Variants in KIF5C observed in about 807,000 individuals in gnomAD.
The protein encoded by KIF5C is kinesin family member 5C, also known as kinesin heavy chain isoform 5C.
Under a neutral mutation model 125.2 loss-of-function variants are expected in KIF5C, and 18 were observed. The observed-to-expected ratio is 0.14, with a 90% confidence interval of 0.10 to 0.21. The LOEUF (loss-of-function observed/expected upper bound fraction) is 0.21, where lower values mean the gene tolerates loss of function less well. Ranked by LOEUF, KIF5C falls within the 10% of genes least tolerant of loss-of-function variation. KIF5C has a pLI of 1.00. For synonymous variants in KIF5C, 405 were observed against 434.0 expected, an observed-to-expected ratio of 0.93 and a Z score of 0.83; for missense variants, 780 against 1,183.8, an observed-to-expected ratio of 0.66 and a Z score of 5.01.
intron 12 of KIF5C, among the ~76,000 whole-genome samples, chr2:148,975,651 C>T (rs563419974): frequency 1.1e-4 from 16 of 152,276 alleles, no homozygotes; most frequent in South Asian, 4.1e-4. Flanking sequence ...TCTGTTCCTC[C>T]GTGCTGCCCC....
chr2:148,942,088 C>T (rs1037560627), intron 6 of KIF5C, 98 bp downstream of exon 6: 21 of 1,359,674 alleles, frequency 1.5e-5, no homozygotes, highest in Non-Finnish European at 2.1e-5. Flanking sequence ...CTGTAAAGAG[C>T]ATATAGGCAT....
rs1681520910 is a variant in KIF5C at position 148,991,296 on chromosome 2, G to C, written c.1905+98G>C. ...CTGATGGTGCACCTTAGGCTTAGTTGAGGGACTGCTTTGTGTAAGCTTGGC... is the reference window on the plus strand; with the variant it reads ...CTGATGGTGCACCTTAGGCTTAGTTCAGGGACTGCTTTGTGTAAGCTTGGC... On this transcript the variant is annotated intron_variant, in intron 16 of 25. Coordinates refer to ENST00000435030, the MANE Select transcript of KIF5C (RefSeq NM_004522.3). 3.4e-6 allele frequency: 5 copies of C among 1,467,400 alleles called. No homozygotes were observed. The South Asian group carries it at 7.1e-5, about 21-fold the overall frequency. The allele number at this position is 1,467,400 out of a possible 1,614,324, so 90.9% of individuals were successfully genotyped here.
Position 148,875,509 on chromosome 2 carries a change from T to A in KIF5C, c.-109T>A. 1.1e-6 allele frequency: 1 copy of A among 898,060 alleles called. No individual in the cohort carries two copies. The highest frequency in any genetic ancestry group is 1.7e-5 in the African/African-American group (1 of 59,892). The allele number at this position is 898,060 out of a possible 1,614,324, so 55.6% of individuals were successfully genotyped here. A position where few individuals can be genotyped will look rare whatever the true frequency, so the allele number is the denominator to read the frequency against. ...CCTGCTGAGAAGCGTCGTCGGAGGC[T>A]GCAGGAGGCGGCCTAGCTGTGGGCG... is the stretch of plus-strand genomic sequence containing the variant. On this transcript the variant is annotated 5_prime_UTR_variant, in exon 1 of 26. Coordinates refer to ENST00000435030, the MANE Select transcript of KIF5C (RefSeq NM_004522.3).
chr2:148,969,496 A>G (rs1487457161), intron 11 of KIF5C, among the ~76,000 whole-genome samples: 2 of 150,414 alleles, frequency 1.3e-5, no homozygotes, highest in African/African-American at 4.9e-5. Flanking sequence ...ATGCTTTACA[A>G]TATTATGAGC....
chr2:148,964,365 A>G (rs1393418944), intron 11 of KIF5C, among the ~76,000 whole-genome samples: 1 of 152,080 alleles, frequency 6.6e-6, no homozygotes, highest in African/African-American at 2.4e-5. Flanking sequence ...TAATTTGGGG[A>G]AAATAATGTA....
chr2:149,002,778 C>A (rs906557497), intron 21 of KIF5C, among the ~76,000 whole-genome samples: 1 of 152,256 alleles, frequency 6.6e-6, no homozygotes, highest in Non-Finnish European at 1.5e-5. Flanking sequence ...CGTTCACAGG[C>A]ACACTCATTT....
intron 1 of KIF5C, among the ~76,000 whole-genome samples, chr2:148,889,105 G>A (rs948914512): frequency 6.6e-6 from 1 of 152,132 alleles, no homozygotes; most frequent in Admixed American, 6.5e-5. Flanking sequence ...CCAATGCTGT[G>A]AACATTTTAA....
At chr2:148,931,782 A>T (rs1262649598) in intron 3 of KIF5C, among the ~76,000 whole-genome samples, 3 of 152,266 alleles carry the variant, frequency 2.0e-5, no homozygotes, top group Non-Finnish European at 4.4e-5. Context: ...TAAACTTCAC[A>T]ATGCCTGACC....
At chr2:148,967,860 A>G (rs1012424840) in intron 11 of KIF5C, among the ~76,000 whole-genome samples, 14 of 152,112 alleles carry the variant, frequency 9.2e-5, no homozygotes, top group Admixed American at 3.9e-4. Context: ...ACAATCCTAT[A>G]TATGGAGATA....
At chr2:148,937,567 A>G (rs1682319065) in intron 4 of KIF5C, among the ~76,000 whole-genome samples, 179 bp downstream of exon 4, 2 of 152,198 alleles carry the variant, frequency 1.3e-5, no homozygotes. Context: ...GTTTGCTTGA[A>G]ATATCCACAT....
intron 14 of KIF5C, 68 bp downstream of exon 14, chr2:148,981,629 A>T: frequency 6.7e-7 from 1 of 1,491,268 alleles, no homozygotes; most frequent in Non-Finnish European, 8.9e-7. Context: ...ATTGATATTC[A>T]TTGACAGACA....
At chr2:148,962,388 A>G (rs570432756) in intron 11 of KIF5C, among the ~76,000 whole-genome samples, 1 of 150,142 alleles carries the variant, frequency 6.7e-6, no homozygotes, top group Non-Finnish European at 1.5e-5. Context: ...CATGTTGGCC[A>G]GGCTGGTCTT....
intron 1 of KIF5C, among the ~76,000 whole-genome samples, chr2:148,890,001 A>C (rs979973076): frequency 6.6e-6 from 1 of 152,202 alleles, no homozygotes; most frequent in Non-Finnish European, 1.5e-5. Context: ...TACAAAATTT[A>C]TTTTGAGTAC....
At position 148,942,736 on chromosome 2, in the gene KIF5C, G is replaced by A. The variant is rs1237886855; in HGVS notation, c.565G>A (p.Ala189Thr). Residue 189 changes from alanine (A) to threonine (T), a missense_variant, in exon 7 of 26, where the codon GCA (alanine) becomes ACA (threonine). By Grantham distance (58) the Ala-to-Thr change is moderately conservative. Transcript: ENST00000435030. ...EVMDVIDEGK[A>T]NRHVAVTNMN... Reference sequence around the variant, plus strand: ...CATGGATGTAATAGATGAAGGCAAAGCAAACCGACACGTGGCTGTGACAAG... The same window carrying A: ...CATGGATGTAATAGATGAAGGCAAAACAAACCGACACGTGGCTGTGACAAG... The A allele has an allele frequency of 1.2e-6, 2 of 1,610,718 alleles. No individual in the cohort carries two copies. The highest frequency in any genetic ancestry group is 1.7e-6 in the Non-Finnish European group (2 of 1,178,800).
At chr2:148,906,241 G>T (rs1681102702) in intron 1 of KIF5C, among the ~76,000 whole-genome samples, 1 of 152,194 alleles carries the variant, frequency 6.6e-6, no homozygotes, top group Non-Finnish European at 1.5e-5. Context: ...AAATAATTCA[G>T]CAGAAAAAGA....
chr2:149,011,788 C>T (rs897581514), intron 25 of KIF5C, 105 bp downstream of exon 25: 18 of 1,465,558 alleles, frequency 1.2e-5, no homozygotes, highest in Non-Finnish European at 1.7e-5. Context: ...GAGTTCTGCT[C>T]TACTCCAGCA....
intron 9 of KIF5C, 139 bp from the exon 10 acceptor site, chr2:148,950,175 T>C (rs569432156): frequency 4.5e-4 from 640 of 1,416,380 alleles, no homozygotes; most frequent in Non-Finnish European, 5.7e-4. Context: ...TTCTAAACTT[T>C]GGCAAGATCC....
chr2:148,981,764 A>G (rs1045686609), intron 14 of KIF5C, among the ~76,000 whole-genome samples: 6 of 151,986 alleles, frequency 3.9e-5, no homozygotes, highest in Non-Finnish European at 8.8e-5. Context: ...GCATATCATG[A>G]CTGTTTTATA....
At chr2:148,885,968 A>G (rs1042121688) in intron 1 of KIF5C, 1 of 152,184 alleles carries the variant, frequency 6.6e-6, no homozygotes, top group Non-Finnish European at 1.5e-5. Flanking sequence ...GTCGGCTTCA[A>G]TTCTCTGAGG....
Sources: gnomAD v4.1 joint callset for allele counts (sites outside exome capture counted in the v4.1 genomes callset) on GRCh38, gnomAD v4.1.1 for gene constraint, MANE v1.5 for transcripts, NCBI Gene and HGNC (gene_info 2026-07-23, HGNC 2026-07-21) for gene names.